The following ZCCHC7 variants were observed in gnomAD, a reference collection of about 807,000 sequenced individuals.
ZCCHC7 encodes zinc finger CCHC domain-containing protein 7.
ZCCHC7 carries 35 observed loss-of-function variants against 52.0 expected under a neutral mutation model. The observed-to-expected ratio is 0.67, with a 90% confidence interval of 0.51 to 0.89. The LOEUF is 0.89. Among genes scored for constraint, ZCCHC7 ranks in the 40% least tolerant of loss-of-function variants. The pLI, the probability that ZCCHC7 is intolerant of heterozygous loss-of-function variation, is 0.00. For synonymous variants in ZCCHC7, 217 were observed against 221.5 expected, an observed-to-expected ratio of 0.98 and a Z score of 0.18; for missense variants, 574 against 649.1, an observed-to-expected ratio of 0.88 and a Z score of 1.26.
At chr9:37,237,092 A>T (rs888658533) in intron 2 of ZCCHC7, among the ~76,000 whole-genome samples, 5 of 152,164 alleles carry the variant, frequency 3.3e-5, no homozygotes, top group African/African-American at 1.2e-4. Flanking sequence ...AACCAGTACT[A>T]GTCAAGCTGT....
intron 2 of ZCCHC7, among the ~76,000 whole-genome samples, chr9:37,242,049 A>T (rs961547979): frequency 6.6e-6 from 1 of 151,660 alleles, no homozygotes; most frequent in Non-Finnish European, 1.5e-5. Context: ...TTTTTCTCCC[A>T]TCTGAATAAT....
intron 2 of ZCCHC7, among the ~76,000 whole-genome samples, chr9:37,197,754 TAAAA>T (rs894679723): frequency 8.8e-5 from 13 of 148,136 alleles, no homozygotes; most frequent in Non-Finnish European, 1.9e-4. Flanking sequence ...GATGTTTTGT[TAAAA>T]AAAAAAAGTT....
chr9:37,164,494 T>TAGAC (rs1250832681), intron 2 of ZCCHC7, among the ~76,000 whole-genome samples: 40 of 123,254 alleles, frequency 3.2e-4, no homozygotes, highest in Middle Eastern at 4.2e-3. Flanking sequence ...GATAGATAGA[T>TAGAC]AGATAGACAG....
chr9:37,148,321 A>C (rs1843530779), intron 2 of ZCCHC7, among the ~76,000 whole-genome samples: 1 of 152,120 alleles, frequency 6.6e-6, no homozygotes, highest in African/African-American at 2.4e-5. Flanking sequence ...AGAAGAGGTA[A>C]GAGGTGAGTG....
At chr9:37,215,879 G>A (rs1033791011) in intron 2 of ZCCHC7, among the ~76,000 whole-genome samples, 4 of 152,110 alleles carry the variant, frequency 2.6e-5, no homozygotes, top group African/African-American at 7.2e-5. Flanking sequence ...ATTTAATTGT[G>A]TGTGTATATT....
chr9:37,181,801 C>T (rs1416585539), intron 2 of ZCCHC7, among the ~76,000 whole-genome samples: 1 of 152,102 alleles, frequency 6.6e-6, no homozygotes, highest in African/African-American at 2.4e-5. Context: ...TGTGAATGTA[C>T]TAGAAAATAC....
intron 6 of ZCCHC7, among the ~76,000 whole-genome samples, chr9:37,337,617 CTG>C (rs1830740509): frequency 1.3e-5 from 2 of 152,076 alleles, no homozygotes; most frequent in Non-Finnish European, 2.9e-5. Context: ...ATCGGCTGGT[CTG>C]AAGCCTCATA....
At chr9:37,173,627 A>T (rs1821859678) in intron 2 of ZCCHC7, among the ~76,000 whole-genome samples, 1 of 152,140 alleles carries the variant, frequency 6.6e-6, no homozygotes, top group Non-Finnish European at 1.5e-5. Context: ...TTTGGGGGAG[A>T]TCATTAAAGA....
At chr9:37,337,415 C>G (rs308524) in intron 6 of ZCCHC7, among the ~76,000 whole-genome samples, 2 of 106,704 alleles carry the variant, frequency 1.9e-5, no homozygotes, top group South Asian at 4.4e-4. Flanking sequence ...CCCCCCCCCC[C>G]AAAAAAAATG....
At chr9:37,140,340 A>G (rs1162060210) in intron 2 of ZCCHC7, among the ~76,000 whole-genome samples, 2 of 151,974 alleles carry the variant, frequency 1.3e-5, no homozygotes, top group Non-Finnish European at 2.9e-5. Context: ...TTCATTCAAC[A>G]CCTCAGCCCT....
intron 5 of ZCCHC7, among the ~76,000 whole-genome samples, chr9:37,323,107 C>T (rs1367493700): frequency 6.6e-6 from 1 of 152,038 alleles, no homozygotes; most frequent in African/African-American, 2.4e-5. Context: ...TATAACTTGC[C>T]CAAAATAGTA....
At chr9:37,302,044 G>C (rs1190304356) in intron 2 of ZCCHC7, 144 bp from the exon 3 acceptor site, 1 of 665,184 alleles carries the variant, frequency 1.5e-6, no homozygotes, top group East Asian at 2.7e-5. Context: ...TAATAACAGA[G>C]CCAAAATAGG....
intron 2 of ZCCHC7, among the ~76,000 whole-genome samples, chr9:37,166,150 A>G (rs1470737802): frequency 1.3e-5 from 2 of 151,990 alleles, no homozygotes; most frequent in East Asian, 3.9e-4. Flanking sequence ...TAATCCCAGC[A>G]CTTTGGGAGG....
At chr9:37,168,622 G>A (rs1192656270) in intron 2 of ZCCHC7, among the ~76,000 whole-genome samples, 1 of 152,120 alleles carries the variant, frequency 6.6e-6, no homozygotes, top group East Asian at 1.9e-4. Flanking sequence ...CCCAGGCCAG[G>A]CGTGCTGGCT....
chr9:37,138,665 A>G (rs906759698), intron 2 of ZCCHC7, among the ~76,000 whole-genome samples: 8 of 151,804 alleles, frequency 5.3e-5, no homozygotes, highest in African/African-American at 1.9e-4. Context: ...TTTAGTTGCC[A>G]TTAAAATGTC....
rs1296129936 is a variant in ZCCHC7 at position 37,259,814 on chromosome 9, G to A, written c.611-42374G>A. On this transcript the variant is annotated intron_variant, in intron 2 of 8. Coordinates refer to ENST00000336755, the MANE Select transcript of ZCCHC7 (RefSeq NM_032226.3). The stretch of plus-strand genomic sequence containing the variant: ...GACTTGTATATAATTCAGAATGTCT[G>A]TTTGTGCATCCTACCTCATATCTTC... Among the ~76,000 whole-genome samples the A allele has an allele frequency of 5.9e-5, 9 of 152,124 alleles. No homozygotes were observed. The South Asian group carries it at 1.2e-3, about 21-fold the overall frequency.
intron 2 of ZCCHC7, among the ~76,000 whole-genome samples, chr9:37,159,591 T>G (rs1820985420): frequency 6.6e-6 from 1 of 152,328 alleles, no homozygotes; most frequent in South Asian, 2.1e-4. Flanking sequence ...TGTATCTCAA[T>G]GATTTTTGAG....
intron 2 of ZCCHC7, among the ~76,000 whole-genome samples, chr9:37,162,812 C>T (rs1248027798): frequency 1.3e-5 from 2 of 152,200 alleles, no homozygotes; most frequent in Admixed American, 1.3e-4. Context: ...ATGGCTCATG[C>T]CTGTCATCTC....
chr9:37,333,582 G>A (rs1830532791), intron 6 of ZCCHC7, among the ~76,000 whole-genome samples: 1 of 151,578 alleles, frequency 6.6e-6, no homozygotes, highest in South Asian at 2.1e-4. Flanking sequence ...GTTAACAAAT[G>A]TTTATCCTGA....
Sources: allele counts gnomAD v4.1 joint callset (sites outside exome capture counted in the v4.1 genomes callset), GRCh38; gene constraint gnomAD v4.1.1; transcripts MANE v1.5; gene names NCBI Gene and HGNC (gene_info 2026-07-23, HGNC 2026-07-21).